Variants in ZNF804A observed in about 807,000 individuals in gnomAD.
ZNF804A encodes zinc finger protein 804A.
A neutral mutation model predicts 16.5 loss-of-function variants in ZNF804A; 2 were observed. The ratio of observed to expected loss-of-function variants is 0.12; its 90% CI spans 0.05 to 0.38. The LOEUF (loss-of-function observed/expected upper bound fraction) is 0.38. ZNF804A is among the 10% of genes least tolerant of loss of function. The probability of loss-of-function intolerance (pLI) is 0.99; values close to 1 mark genes in which losing one functional copy is unlikely to be tolerated. For synonymous variants in ZNF804A, 534 were observed against 489.6 expected (o/e 1.09, Z -1.20); for missense variants, 1,473 against 1,390.7 (o/e 1.06, Z -0.94).
chr2:184,637,874 A>T (rs547076277), intron 1 of ZNF804A, among the ~76,000 whole-genome samples: 1 of 152,300 alleles, frequency 6.6e-6, no homozygotes, highest in Admixed American at 6.5e-5. Context: ...CACACAAAAA[A>T]TTGAGAAACT....
At chr2:184,800,965 A>T (rs954318038) in intron 1 of ZNF804A, among the ~76,000 whole-genome samples, 6 of 152,000 alleles carry the variant, frequency 3.9e-5, no homozygotes, top group African/African-American at 1.4e-4. Context: ...TGTCATTTTT[A>T]TTCTCCTTGA....
At chr2:184,842,526 A>T (rs1406089085) in intron 1 of ZNF804A, among the ~76,000 whole-genome samples, 22 of 149,204 alleles carry the variant, frequency 1.5e-4, no homozygotes, top group African/African-American at 4.2e-4. Flanking sequence ...TTTTTTTTAA[A>T]AAAAAAGGAA....
intron 1 of ZNF804A, among the ~76,000 whole-genome samples, chr2:184,843,715 G>A (rs1038259287): frequency 3.3e-5 from 5 of 152,084 alleles, no homozygotes; most frequent in South Asian, 2.1e-4. Context: ...CTCTAGTAAC[G>A]GTAACACAGT....
At position 184,938,224 on chromosome 2, in the gene ZNF804A, T is replaced by C; in HGVS notation, c.2828T>C (p.Ile943Thr). ...LLEHKERSENINLNEKQIPFQ... is the reference protein window; with the variant it reads ...LLEHKERSENTNLNEKQIPFQ... Reference sequence around the variant, plus strand: ...GAACACAAAGAAAGAAGTGAGAATATAAATCTTAATGAAAAGCAAATTCCT... The same window carrying C: ...GAACACAAAGAAAGAAGTGAGAATACAAATCTTAATGAAAAGCAAATTCCT... Residue 943 changes from isoleucine to threonine, a missense_variant, in exon 4 of 4, where the codon ATA becomes ACA. Physicochemically the swap from Ile to Thr is moderately conservative, Grantham distance 89. Coordinates refer to ENST00000302277, the MANE Select transcript of ZNF804A (RefSeq NM_194250.2). 6.2e-7 allele frequency: 1 copy of C among 1,614,052 alleles called. No individual in the cohort carries two copies. Among genetic ancestry groups the C allele is most frequent in the Middle Eastern group, 1.7e-4 (1 of 6,060 alleles).
chr2:184,647,363 G>A (rs1413288220), intron 1 of ZNF804A, among the ~76,000 whole-genome samples: 1 of 152,128 alleles, frequency 6.6e-6, no homozygotes, highest in Non-Finnish European at 1.5e-5. Context: ...GCCAACAAAG[G>A]ATCACATTAG....
intron 1 of ZNF804A, among the ~76,000 whole-genome samples, chr2:184,622,844 T>C (rs996789507): frequency 4.0e-5 from 6 of 151,770 alleles, no homozygotes; most frequent in Admixed American, 1.3e-4. Context: ...CTGCAGAAAA[T>C]TTTCAGTGCC....
At chr2:184,839,880 C>T (rs1695408874) in intron 1 of ZNF804A, among the ~76,000 whole-genome samples, 1 of 151,854 alleles carries the variant, frequency 6.6e-6, no homozygotes. Context: ...TAAAGGTGGC[C>T]TGACCTGAGT....
intron 2 of ZNF804A, among the ~76,000 whole-genome samples, chr2:184,899,477 T>C (rs1392008493): frequency 2.6e-5 from 4 of 152,000 alleles, no homozygotes; most frequent in Admixed American, 1.3e-4. Context: ...TTTTCATGGG[T>C]GTTCAAATGC....
At chr2:184,615,170 A>C (rs1316476143) in intron 1 of ZNF804A, among the ~76,000 whole-genome samples, 1 of 152,242 alleles carries the variant, frequency 6.6e-6, no homozygotes, top group Non-Finnish European at 1.5e-5. Context: ...GATAAAGACA[A>C]TGTGGCACAT....
At chr2:184,649,034 C>A (rs919096684) in intron 1 of ZNF804A, among the ~76,000 whole-genome samples, 3 of 151,820 alleles carry the variant, frequency 2.0e-5, no homozygotes, top group African/African-American at 7.3e-5. Context: ...CACTTAGCCA[C>A]AAAGCAAGTC....
intron 1 of ZNF804A, among the ~76,000 whole-genome samples, chr2:184,676,577 AC>A (rs1159502115): frequency 6.6e-6 from 1 of 151,730 alleles, no homozygotes; most frequent in Non-Finnish European, 1.5e-5. Flanking sequence ...AATTTCCACT[AC>A]AATATCATAT....
intron 2 of ZNF804A, among the ~76,000 whole-genome samples, chr2:184,915,415 T>C (rs952902934): frequency 6.6e-6 from 1 of 152,108 alleles, no homozygotes; most frequent in Non-Finnish European, 1.5e-5. Flanking sequence ...CAGTTGTTTG[T>C]ATATATATTA....
At chr2:184,736,176 A>G (rs151203342) in intron 1 of ZNF804A, among the ~76,000 whole-genome samples, 1 of 152,248 alleles carries the variant, frequency 6.6e-6, no homozygotes, top group African/African-American at 2.4e-5. Flanking sequence ...TTGATTGCTT[A>G]CAGGATGAAA....
intron 1 of ZNF804A, among the ~76,000 whole-genome samples, chr2:184,856,925 A>C (rs1472095650): frequency 6.6e-6 from 1 of 152,092 alleles, no homozygotes; most frequent in Non-Finnish European, 1.5e-5. Context: ...TTCATGATTC[A>C]GTCTTGGTAG....
At chr2:184,843,742 C>T (rs1051358306) in intron 1 of ZNF804A, among the ~76,000 whole-genome samples, 2 of 152,024 alleles carry the variant, frequency 1.3e-5, no homozygotes, top group African/African-American at 2.4e-5. Flanking sequence ...TGGCTTTTGT[C>T]TTTTTAGTTT....
intron 1 of ZNF804A, among the ~76,000 whole-genome samples, chr2:184,810,073 G>C (rs993714823): frequency 6.6e-6 from 1 of 152,108 alleles, no homozygotes; most frequent in Non-Finnish European, 1.5e-5. Context: ...TATCGCCCAG[G>C]ACTAAATCCA....
At chr2:184,770,800 C>A (rs541212549) in intron 1 of ZNF804A, among the ~76,000 whole-genome samples, 66 of 152,024 alleles carry the variant, frequency 4.3e-4, no homozygotes, top group African/African-American at 1.4e-3. Context: ...AATTTTTGTA[C>A]CCTCCTGGCA....
chr2:184,601,241 G>A (rs1369292446), intron 1 of ZNF804A, among the ~76,000 whole-genome samples: 5 of 151,988 alleles, frequency 3.3e-5, no homozygotes, highest in Non-Finnish European at 5.9e-5. Context: ...AAAATGATGA[G>A]ATTTATGCCT....
intron 2 of ZNF804A, among the ~76,000 whole-genome samples, chr2:184,899,442 C>T (rs1364782986): frequency 1.3e-5 from 2 of 151,980 alleles, no homozygotes; most frequent in Non-Finnish European, 2.9e-5. Flanking sequence ...GAATTAGTCA[C>T]ACTCGTTTTT....
Sources: gnomAD v4.1 joint callset for allele counts (sites outside exome capture counted in the v4.1 genomes callset) on GRCh38, gnomAD v4.1.1 for gene constraint, MANE v1.5 for transcripts, NCBI Gene and HGNC (gene_info 2026-07-23, HGNC 2026-07-21) for gene names.